Variants in EPB41L3 observed in about 807,000 individuals in gnomAD.
EPB41L3 encodes the protein erythrocyte membrane protein band 4.1 like 3.
Under a neutral mutation model 127.1 loss-of-function variants are expected in EPB41L3, and 57 were observed. That is an observed-to-expected ratio of 0.45 (90% CI 0.36 to 0.56). The LOEUF (loss-of-function observed/expected upper bound fraction) is 0.56, where lower values mean the gene tolerates loss of function less well. Among genes scored for constraint, EPB41L3 ranks in the 20% least tolerant of loss-of-function variants. EPB41L3 has a pLI of 0.00. For synonymous variants in EPB41L3, 572 were observed against 549.5 expected (o/e 1.04, Z -0.57); for missense variants, 1,273 against 1,372.2 (o/e 0.93, Z 1.14).
rs200505045 is a variant in EPB41L3 at position 5,540,808 on chromosome 18, G to C, written c.-12+3105C>G. 2.6e-5 allele frequency among the ~76,000 whole-genome samples: 4 copies of C among 152,240 alleles called. No homozygotes were observed. The East Asian group carries it at 7.7e-4, about 29-fold the overall frequency. On this transcript the variant is annotated intron_variant, in intron 1 of 22. Coordinates refer to ENST00000341928, the MANE Select transcript of EPB41L3 (RefSeq NM_012307.5). ...TTACTCAAGAACCCTCTCTCCGCCG[G>C]GCGCGGTGGCTCACGCCTGTAATCC...
At chr18:5,501,503 C>T (rs961257516) in intron 1 of EPB41L3, among the ~76,000 whole-genome samples, 11 of 152,170 alleles carry the variant, frequency 7.2e-5, no homozygotes, top group African/African-American at 2.4e-4. Flanking sequence ...TGATCAGTTA[C>T]CCACTCCTTT....
chr18:5,471,757 C>G (rs1335983172), intron 3 of EPB41L3, among the ~76,000 whole-genome samples: 2 of 152,142 alleles, frequency 1.3e-5, no homozygotes, highest in Non-Finnish European at 2.9e-5. Flanking sequence ...CACTGGAAGC[C>G]TGAAGACTCA....
Position 5,583,752 on chromosome 18 carries a change from T to C in EPB41L3, c.-306+28588A>G, listed in dbSNP as rs9962489. On this transcript the variant is annotated intron_variant, in intron 3 of 21. Coordinates refer to the EPB41L3 transcript ENST00000545076. Reference sequence around the variant, plus strand: ...TGAAGAGCTATATTTTTTTTTCAGATGATAAATGCCTTTGAAACTTTCAAG... The same window carrying C: ...TGAAGAGCTATATTTTTTTTTCAGACGATAAATGCCTTTGAAACTTTCAAG... Among the ~76,000 whole-genome samples the C allele has an allele frequency of 4.5e-3, 685 of 152,304 alleles. 5 individuals are homozygous for C. The highest frequency in any genetic ancestry group is 0.016 in the African/African-American group (660 of 41,566).
chr18:5,523,819 T>C (rs2093101592), intron 1 of EPB41L3, among the ~76,000 whole-genome samples: 1 of 152,144 alleles, frequency 6.6e-6, no homozygotes, highest in African/African-American at 2.4e-5. Context: ...TATACACTTG[T>C]TTTTGAGAAC....
At chr18:5,441,459 C>G (rs1241777857) in intron 5 of EPB41L3, among the ~76,000 whole-genome samples, 1 of 124,534 alleles carries the variant, frequency 8.0e-6, no homozygotes, top group Non-Finnish European at 1.7e-5. Context: ...ATATCGAATT[C>G]CAATTTTTTT....
chr18:5,626,186 C>A (rs2094921874), intron 1 of EPB41L3, among the ~76,000 whole-genome samples: 1 of 152,160 alleles, frequency 6.6e-6, no homozygotes, highest in South Asian at 2.1e-4. Context: ...TAGTTTTGGG[C>A]TAGGAGACCC....
In EPB41L3 at chr18:5,443,869, G is replaced by T; in HGVS notation, c.498C>A (p.Asp166Glu). The T allele has an allele frequency of 1.2e-6, 2 of 1,606,858 alleles. No individual in the cohort carries two copies. The highest frequency in any genetic ancestry group is 1.7e-6 in the Non-Finnish European group (2 of 1,177,546). Residue 166 changes from aspartate to glutamate, a missense_variant, in exon 5 of 23, where the codon GAC (aspartate) becomes GAA (glutamate). Physicochemically the swap from Asp to Glu is conservative, Grantham distance 45 (BLOSUM62 2). Transcript: ENST00000341928. ...RDAENQKNWL[D>E]PAKEIKKQVR... The stretch of plus-strand genomic sequence containing the variant: ...CCTGTTTTTTTATTTCCTTAGCAGG[G>T]TCCAACCAATTCTGAAAAGGAAATG...
intron 3 of EPB41L3, among the ~76,000 whole-genome samples, chr18:5,551,220 C>T (rs2093958760): frequency 6.6e-6 from 1 of 152,164 alleles, no homozygotes; most frequent in African/African-American, 2.4e-5. Flanking sequence ...GAGTACATGC[C>T]ATCCTCCTGA....
At chr18:5,541,978 C>T (rs530252418) in intron 1 of EPB41L3, among the ~76,000 whole-genome samples, 10 of 152,284 alleles carry the variant, frequency 6.6e-5, no homozygotes, top group African/African-American at 2.2e-4. Context: ...TTTTCTAAAC[C>T]ACCAGAAAAC....
chr18:5,562,847 T>G (rs1399450222), intron 3 of EPB41L3, among the ~76,000 whole-genome samples: 1 of 152,234 alleles, frequency 6.6e-6, no homozygotes, highest in Non-Finnish European at 1.5e-5. Context: ...CTTCTTCGGA[T>G]GTTTATTGAG....
At chr18:5,494,241 G>A (rs1047676316) in intron 1 of EPB41L3, among the ~76,000 whole-genome samples, 2 of 152,056 alleles carry the variant, frequency 1.3e-5, no homozygotes, top group African/African-American at 4.8e-5. Context: ...CCTCCCCATT[G>A]CAGCAGGTGG....
At position 5,556,786 on chromosome 18, in the gene EPB41L3, T is replaced by C. The variant is rs75652005; in HGVS notation, c.-306+55554A>G. ...CTCTCTGACCTTGGCTTGGATTGCA[T>C]TGCCTCATCTGCTCTCTCATTTATA... On this transcript the variant is annotated intron_variant, in intron 3 of 21. Coordinates refer to the EPB41L3 transcript ENST00000545076. Among the ~76,000 whole-genome samples, 87 of 152,286 alleles carry C rather than the reference T, an allele frequency of 5.7e-4. 1 individual carries two copies. In the East Asian group the frequency reaches 6.2e-3, roughly 11 times the overall value.
In EPB41L3 at chr18:5,393,299, T is replaced by C; in HGVS notation, c.*186A>G. 1 of 465,840 alleles carries C rather than the reference T, an allele frequency of 2.1e-6. No homozygotes were observed. The highest frequency in any genetic ancestry group is 3.8e-6 in the Non-Finnish European group (1 of 263,362). 28.9% of individuals were successfully genotyped at this position (465,840 alleles called of 1,614,324 possible). A position where few individuals can be genotyped will look rare whatever the true frequency, so the allele number is the denominator to read the frequency against. On this transcript the variant is annotated 3_prime_UTR_variant, in exon 23 of 23. Transcript: ENST00000341928. ...TCGGTTTAGTGATGCTGAATCAGAT[T>C]GCTTTATTATGGGAAGATCTCTCTG...
intron 2 of EPB41L3, among the ~76,000 whole-genome samples, chr18:5,484,089 A>AAAAAAAAAAAC (rs2089191044): frequency 1.5e-5 from 1 of 66,948 alleles, no homozygotes; most frequent in Non-Finnish European, 2.7e-5. Context: ...ACAAACTCAA[A>AAAAAAAAAAAC]AAAAAAAAAA....
At chr18:5,505,619 C>T (rs965131292) in intron 1 of EPB41L3, among the ~76,000 whole-genome samples, 1 of 147,740 alleles carries the variant, frequency 6.8e-6, no homozygotes. Context: ...ACCTCCACCT[C>T]TATGGTCCAC....
chr18:5,393,403 GA>G lies in EPB41L3; in HGVS notation c.*81del. On this transcript the variant is annotated 3_prime_UTR_variant, in exon 23 of 23. Transcript: ENST00000341928. ...GGACAGATACAAGTCAGTTGGGTTA[GA>G]AGAGGGAACTCCATATAGGCTCTGG... The G allele has an allele frequency of 1.5e-6, 1 of 687,714 alleles. No individual in the cohort carries two copies. Among genetic ancestry groups the G allele is most frequent in the Non-Finnish European group, 2.6e-6 (1 of 379,448 alleles). 42.6% of individuals were successfully genotyped at this position (687,714 alleles called of 1,614,324 possible).
At chr18:5,471,598 T>C (rs1329549088) in intron 3 of EPB41L3, among the ~76,000 whole-genome samples, 1 of 152,256 alleles carries the variant, frequency 6.6e-6, no homozygotes, top group African/African-American at 2.4e-5. Context: ...AAATTAACCA[T>C]AGTATTGTAC....
At chr18:5,415,609 G>A (rs987666169) in intron 13 of EPB41L3, among the ~76,000 whole-genome samples, 2 of 152,148 alleles carry the variant, frequency 1.3e-5, no homozygotes, top group African/African-American at 2.4e-5. Context: ...ACGATTCCGG[G>A]TTGGGCTCAG....
chr18:5,526,620 T>G (rs968914697), intron 1 of EPB41L3, among the ~76,000 whole-genome samples: 1 of 152,184 alleles, frequency 6.6e-6, no homozygotes, highest in Non-Finnish European at 1.5e-5. Context: ...ATCTCTGCCC[T>G]ACCAAAATGC....
Sources: gnomAD v4.1 joint callset for allele counts (sites outside exome capture counted in the v4.1 genomes callset) on GRCh38, gnomAD v4.1.1 for gene constraint, MANE v1.5 for transcripts, NCBI Gene and HGNC (gene_info 2026-07-23, HGNC 2026-07-21) for gene names.